The following HDLBP variants were observed in gnomAD, a reference collection of about 807,000 sequenced individuals.
HDLBP encodes vigilin.
Under a neutral mutation model 137.3 loss-of-function variants are expected in HDLBP, and 30 were observed. That is an observed-to-expected ratio of 0.22 (90% confidence interval 0.16 to 0.30). The LOEUF is 0.30. Ranked by LOEUF, HDLBP falls within the 10% of genes least tolerant of loss-of-function variation. The pLI is 1.00. For missense variants in HDLBP, 1,119 were observed against 1,667.3 expected, an observed-to-expected ratio of 0.67 and a Z score of 5.73; for synonymous variants, 606 against 596.0, an observed-to-expected ratio of 1.02 and a Z score of -0.24.
intron 24 of HDLBP, chr2:241,231,212 C>G: frequency 2.8e-6 from 1 of 358,134 alleles, no homozygotes; most frequent in Non-Finnish European, 5.2e-6. Context: ...TGGAGAAACC[C>G]CGCCTCTACT....
At chr2:241,291,258 A>T (rs2075004907) in intron 1 of HDLBP, among the ~76,000 whole-genome samples, 1 of 152,172 alleles carries the variant, frequency 6.6e-6, no homozygotes, top group Non-Finnish European at 1.5e-5. Context: ...ACACCATCTC[A>T]CGGCAAGAGA....
intron 11 of HDLBP, among the ~76,000 whole-genome samples, chr2:241,251,738 G>A (rs2072200376): frequency 6.6e-6 from 1 of 152,230 alleles, no homozygotes; most frequent in Non-Finnish European, 1.5e-5. Context: ...ACTTTGGGAG[G>A]CCGAGGTGGG....
intron 15 of HDLBP, 51 bp downstream of exon 15, chr2:241,247,005 G>A (rs1349325505): frequency 1.9e-6 from 3 of 1,558,588 alleles, no homozygotes; most frequent in Non-Finnish European, 2.7e-6. Flanking sequence ...ATGGTGCAGG[G>A]CTACAGAGGA....
intron 2 of HDLBP, 156 bp downstream of exon 2, chr2:241,268,321 T>C (rs998624961): frequency 7.3e-5 from 18 of 246,146 alleles, no homozygotes; most frequent in African/African-American, 2.3e-4. Context: ...TGCTGGGAGG[T>C]GAAGCTATGG....
intron 1 of HDLBP, among the ~76,000 whole-genome samples, chr2:241,273,845 C>T (rs2074287442): frequency 1.4e-5 from 2 of 146,472 alleles, no homozygotes; most frequent in South Asian, 4.2e-4. Context: ...AAGGCAGGAT[C>T]AGACGTGTTT....
rs1220590162 is a variant in HDLBP at position 241,282,129 on chromosome 2, A to C, written c.-102-13588T>G. Among the ~76,000 whole-genome samples, 4 of 152,246 alleles carry C rather than the reference A, an allele frequency of 2.6e-5. No homozygotes were observed. The East Asian group carries it at 7.7e-4, about 29-fold the overall frequency. ...AAACATGGCACACGTGGCAGGCTCAAACATTTCTGGGGAAAAGAGGAGCAC... is the reference window on the plus strand; with the variant it reads ...AAACATGGCACACGTGGCAGGCTCACACATTTCTGGGGAAAAGAGGAGCAC... On this transcript the variant is annotated intron_variant, in intron 1 of 27. Transcript: ENST00000310931.
In HDLBP at chr2:241,236,474, C is replaced by A; in HGVS notation, c.2904+141G>T. ...GTCCAGCCGAGAAGCACAGCCCGTG[C>A]GCACACGGTAGGAGCAAGAGGGCTA... is the stretch of plus-strand genomic sequence containing the variant. On this transcript the variant is annotated intron_variant, in intron 21 of 27. Transcript: ENST00000310931. 3.7e-6 allele frequency: 3 copies of A among 813,604 alleles called. No individual in the cohort carries two copies. In the South Asian group the frequency reaches 4.9e-5, roughly 13 times the overall value. The allele number at this position is 813,604 out of a possible 1,614,324, so 50.4% of individuals were successfully genotyped here.
At chr2:241,259,782 C>T (rs1475870316) in intron 5 of HDLBP, among the ~76,000 whole-genome samples, 1 of 151,842 alleles carries the variant, frequency 6.6e-6, no homozygotes, top group Non-Finnish European at 1.5e-5. Flanking sequence ...CTTTTCCTTT[C>T]TTAAAAGTAC....
chr2:241,280,651 A>C (rs1339255838), intron 1 of HDLBP, among the ~76,000 whole-genome samples: 4 of 152,220 alleles, frequency 2.6e-5, no homozygotes, highest in African/African-American at 9.6e-5. Context: ...TAATGAGAAC[A>C]AATTGTATAA....
At chr2:241,279,335 T>C (rs141107717) in intron 1 of HDLBP, among the ~76,000 whole-genome samples, 4 of 152,302 alleles carry the variant, frequency 2.6e-5, no homozygotes, top group African/African-American at 9.6e-5. Flanking sequence ...AAACACTGAA[T>C]TGTAAAAAAA....
In HDLBP at chr2:241,255,611, AG is replaced by A. The variant is rs780943235; in HGVS notation, c.874-32del. 5.1e-6 allele frequency: 8 copies of A among 1,577,888 alleles called. No homozygotes were observed. The African/African-American group carries it at 5.4e-5, about 11-fold the overall frequency. On this transcript the variant is annotated intron_variant, in intron 7 of 27. Coordinates refer to ENST00000310931, the MANE Select transcript of HDLBP (RefSeq NM_005336.6). ...TAAGAGCACCATAAGGGGCAGTCAA[AG>A]GGAAAGGTGTGGGAAGCGGGCAGGT...
intron 20 of HDLBP, among the ~76,000 whole-genome samples, chr2:241,237,486 G>C (rs1469235592): frequency 1.3e-5 from 2 of 152,214 alleles, no homozygotes; most frequent in South Asian, 2.1e-4. Context: ...AAATAAATGA[G>C]CAGGAGACCA....
chr2:241,251,512 G>A (rs911059627), intron 11 of HDLBP, among the ~76,000 whole-genome samples: 1 of 152,216 alleles, frequency 6.6e-6, no homozygotes, highest in Non-Finnish European at 1.5e-5. Context: ...TATGCAGGTC[G>A]GTGTCCCACT....
At chr2:241,308,600 A>C (rs923990937) in intron 1 of HDLBP, among the ~76,000 whole-genome samples, 5 of 152,220 alleles carry the variant, frequency 3.3e-5, no homozygotes, top group Non-Finnish European at 7.3e-5. Flanking sequence ...GAAAAGCGTC[A>C]AAGTGTATAC....
intron 14 of HDLBP, 180 bp from the exon 15 acceptor site, chr2:241,247,322 G>A: frequency 3.3e-6 from 2 of 604,590 alleles, no homozygotes; most frequent in Non-Finnish European, 5.9e-6. Context: ...AACTTACGTT[G>A]CAAATTACAG....
intron 21 of HDLBP, among the ~76,000 whole-genome samples, chr2:241,235,831 G>C (rs2070342442): frequency 6.6e-6 from 1 of 152,176 alleles, no homozygotes; most frequent in Non-Finnish European, 1.5e-5. Context: ...CTACCCTCCT[G>C]AATTACAGCA....
At position 241,240,725 on chromosome 2, in the gene HDLBP, C is replaced by CT. The variant is rs1200715978; in HGVS notation, c.2170-604_2170-603insA. 0.044 allele frequency among the ~76,000 whole-genome samples: 6,651 copies of CT among 152,138 alleles called. 509 individuals are homozygous for CT. Among genetic ancestry groups the CT allele is most frequent in the African/African-American group, 0.15 (6,259 of 41,470 alleles). On this transcript the variant is annotated intron_variant, in intron 17 of 27. Coordinates refer to ENST00000310931, the MANE Select transcript of HDLBP (RefSeq NM_005336.6). The surrounding 1 kb of genome is among the most constrained non-coding windows in gnomAD (Gnocchi z 5.5). ...GTTAGAGACCGGTCCTCAGAGGCCT[C>CT]GTGTAGTGCGACGCCCTTGTGTGGC...
At chr2:241,256,521 C>A (rs1308824613) in intron 6 of HDLBP, 79 bp downstream of exon 6, 44 of 1,537,608 alleles carry the variant, frequency 2.9e-5, no homozygotes, top group Non-Finnish European at 3.8e-5. Flanking sequence ...GAAGTCCACA[C>A]TGGACACGGC....
chr2:241,308,407 C>T (rs1404574643), intron 1 of HDLBP, among the ~76,000 whole-genome samples: 1 of 152,078 alleles, frequency 6.6e-6, no homozygotes, highest in African/African-American at 2.4e-5. Flanking sequence ...TAAAGGGCAC[C>T]CAGGCAAAAG....
Sources: allele counts gnomAD v4.1 joint callset (sites outside exome capture counted in the v4.1 genomes callset), GRCh38; gene constraint gnomAD v4.1.1; non-coding constraint Gnocchi (gnomAD v3.1); transcripts MANE v1.5; gene names NCBI Gene and HGNC (gene_info 2026-07-23, HGNC 2026-07-21).